Variants in PARD3B observed in about 807,000 individuals in gnomAD.
PARD3B encodes the protein partitioning defective 3 homolog B.
Under a neutral mutation model 130.2 loss-of-function variants are expected in PARD3B, and 103 were observed. That is an observed-to-expected ratio of 0.79 (90% CI 0.67 to 0.93). The LOEUF (loss-of-function observed/expected upper bound fraction) is 0.93. PARD3B is among the 40% of genes least tolerant of loss of function. The pLI is 0.00. For synonymous variants in PARD3B, 583 were observed against 553.2 expected, an observed-to-expected ratio of 1.05 and a Z score of -0.76; for missense variants, 1,609 against 1,499.2, an observed-to-expected ratio of 1.07 and a Z score of -1.21.
At chr2:204,834,706 T>C (rs537830591) in intron 2 of PARD3B, among the ~76,000 whole-genome samples, 33 of 152,210 alleles carry the variant, frequency 2.2e-4, no homozygotes, top group Admixed American at 1.5e-3. Flanking sequence ...AAAAGGAAAA[T>C]AGGAGTTAGA....
intron 15 of PARD3B, among the ~76,000 whole-genome samples, chr2:205,222,157 T>C (rs570252601): frequency 7.0e-6 from 1 of 142,082 alleles, no homozygotes; most frequent in Non-Finnish European, 1.5e-5. Flanking sequence ...AGAAAGTTAA[T>C]GAACTATTAG....
At chr2:204,552,968 C>A (rs1190737956) in intron 1 of PARD3B, among the ~76,000 whole-genome samples, 3 of 152,126 alleles carry the variant, frequency 2.0e-5, no homozygotes, top group Non-Finnish European at 4.4e-5. Flanking sequence ...TGTAAACAGA[C>A]AACCCACAGA....
At chr2:205,054,427 TA>T (rs1237987181) in intron 4 of PARD3B, among the ~76,000 whole-genome samples, 799 of 24,468 alleles carry the variant, frequency 0.033, 6 homozygotes, top group African/African-American at 0.048. Context: ...TATATATATA[TA>T]TATATATATT....
chr2:204,562,647 G>A (rs572964110), intron 1 of PARD3B, among the ~76,000 whole-genome samples: 1 of 152,096 alleles, frequency 6.6e-6, no homozygotes, highest in South Asian at 2.1e-4. Context: ...ATTAGGTCTG[G>A]ATTACTTCCT....
intron 2 of PARD3B, among the ~76,000 whole-genome samples, chr2:204,820,778 T>G (rs936115159): frequency 2.0e-5 from 3 of 151,736 alleles, no homozygotes; most frequent in African/African-American, 7.3e-5. Flanking sequence ...ATGGTGCCAC[T>G]GCACTCCAGC....
intron 5 of PARD3B, among the ~76,000 whole-genome samples, chr2:205,104,728 T>C (rs889261044): frequency 6.6e-6 from 1 of 152,176 alleles, no homozygotes; most frequent in Admixed American, 6.5e-5. Flanking sequence ...TGATCCTTAA[T>C]CCATCCAATA....
At chr2:204,830,731 T>C (rs991877184) in intron 2 of PARD3B, among the ~76,000 whole-genome samples, 2 of 152,222 alleles carry the variant, frequency 1.3e-5, no homozygotes, top group African/African-American at 4.8e-5. Flanking sequence ...GACCAGTTCC[T>C]ATGATAACAG....
At chr2:205,367,125 GT>G (rs1474719815) in intron 18 of PARD3B, among the ~76,000 whole-genome samples, 1 of 152,206 alleles carries the variant, frequency 6.6e-6, no homozygotes, top group African/African-American at 2.4e-5. Context: ...TTGGAGCTGT[GT>G]TAAAACTTGT....
chr2:204,869,252 C>A (rs887848054), intron 2 of PARD3B, among the ~76,000 whole-genome samples: 1 of 152,004 alleles, frequency 6.6e-6, no homozygotes, highest in Non-Finnish European at 1.5e-5. Context: ...GTGTGGAATC[C>A]ACTTGAAGAA....
chr2:204,641,229 A>G (rs1397763780), intron 1 of PARD3B, among the ~76,000 whole-genome samples: 1 of 149,768 alleles, frequency 6.7e-6, no homozygotes, highest in East Asian at 1.9e-4. Flanking sequence ...TGTATATATA[A>G]TAAGTATATA....
rs148961547 is a variant in PARD3B, at chr2:205,089,096, C to T, written c.505-15330C>T. ...GATTACAAGCATGAACCACCATGCC[C>T]GGCCTGCAGTGAGGCCATAACTCAT... On this transcript the variant is annotated intron_variant, in intron 4 of 22. Transcript: ENST00000406610. Among the ~76,000 whole-genome samples, 61 of 151,488 alleles carry T rather than the reference C, an allele frequency of 4.0e-4. No homozygotes were observed. In the East Asian group the frequency reaches 9.9e-3, roughly 24 times the overall value.
chr2:205,560,561 G>A (rs1274489835), intron 22 of PARD3B, among the ~76,000 whole-genome samples: 2 of 152,114 alleles, frequency 1.3e-5, no homozygotes, highest in East Asian at 3.9e-4. Flanking sequence ...ATATCTCCCT[G>A]GAAGAAAAAA....
rs141871197 is a variant in PARD3B, at chr2:204,708,262, G to A, written c.222+21980G>A. On this transcript the variant is annotated intron_variant, in intron 2 of 22. Transcript: ENST00000406610. ...AGCCTCCAGCGATCCTCCTGCCTCAGCCTGTCAAAGTGCAGGGATTACATT... is the reference window on the plus strand; with the variant it reads ...AGCCTCCAGCGATCCTCCTGCCTCAACCTGTCAAAGTGCAGGGATTACATT... Among the ~76,000 whole-genome samples, 361 of 152,240 alleles carry A rather than the reference G, an allele frequency of 2.4e-3. 2 individuals are homozygous for A. Among genetic ancestry groups the A allele is most frequent in the African/African-American group, 8.4e-3 (349 of 41,542 alleles).
chr2:205,407,860 T>G lies in PARD3B; in HGVS notation c.2741+6737T>G, dbSNP rs2046463007. On this transcript the variant is annotated intron_variant, in intron 19 of 22. Coordinates refer to ENST00000406610, the MANE Select transcript of PARD3B (RefSeq NM_001302769.2). This position sits in a 1 kb window ranked among gnomAD's most constrained non-coding sequence, Gnocchi z 4.1. The stretch of plus-strand genomic sequence containing the variant: ...TATATACTCCAAAATCTTCCATTAC[T>G]CTTATACCATATCAGAGTTTATTTT... Among the ~76,000 whole-genome samples the G allele has an allele frequency of 6.6e-6, 1 of 152,214 alleles. No homozygotes were observed. The highest frequency in any genetic ancestry group is 2.1e-4 in the South Asian group (1 of 4,834).
At chr2:205,080,801 T>G (rs1191598504) in intron 4 of PARD3B, among the ~76,000 whole-genome samples, 6 of 152,120 alleles carry the variant, frequency 3.9e-5, no homozygotes, top group Admixed American at 3.9e-4. Flanking sequence ...ACTGTTTGCC[T>G]TTTTCATTTT....
intron 21 of PARD3B, among the ~76,000 whole-genome samples, chr2:205,551,273 TAGTTTA>T (rs2052633992): frequency 6.6e-6 from 1 of 151,550 alleles, no homozygotes; most frequent in African/African-American, 2.4e-5. Context: ...CCATAAGAAA[TAGTTTA>T]AAAACACAAG....
chr2:205,070,867 G>A (rs989263577), intron 4 of PARD3B, among the ~76,000 whole-genome samples: 1 of 152,026 alleles, frequency 6.6e-6, no homozygotes, highest in African/African-American at 2.4e-5. Context: ...ATTAAGTTTT[G>A]CAGTGTAACA....
chr2:205,059,371 T>C (rs1047406104), intron 4 of PARD3B, among the ~76,000 whole-genome samples: 2 of 152,048 alleles, frequency 1.3e-5, no homozygotes, highest in South Asian at 2.1e-4. Flanking sequence ...TTTTCACATG[T>C]GCAAAGAAAG....
At chr2:205,036,516 A>T (rs1368746398) in intron 3 of PARD3B, among the ~76,000 whole-genome samples, 6 of 148,818 alleles carry the variant, frequency 4.0e-5, no homozygotes, top group Non-Finnish European at 1.5e-5. Flanking sequence ...TATAAAAAAT[A>T]TATATATAGC....
Sources: allele counts gnomAD v4.1 joint callset (sites outside exome capture counted in the v4.1 genomes callset), GRCh38; gene constraint gnomAD v4.1.1; non-coding constraint Gnocchi (gnomAD v3.1); transcripts MANE v1.5; gene names NCBI Gene and HGNC (gene_info 2026-07-23, HGNC 2026-07-21).